Variants in PGGT1B observed in about 807,000 individuals in gnomAD.
PGGT1B encodes geranylgeranyl transferase type-1 subunit beta.
In PGGT1B, 30 loss-of-function variants were observed where a neutral mutation model predicts 46.1. The observed-to-expected ratio is 0.65, with a 90% CI of 0.49 to 0.88. The LOEUF (loss-of-function observed/expected upper bound fraction) is 0.88. Ranked by LOEUF, PGGT1B falls within the 40% of genes least tolerant of loss-of-function variation. The pLI, the probability that PGGT1B is intolerant of heterozygous loss-of-function variation, is 0.00. For synonymous variants in PGGT1B, 170 were observed against 160.0 expected, an observed-to-expected ratio of 1.06 and a Z score of -0.47; for missense variants, 376 against 455.9, an observed-to-expected ratio of 0.82 and a Z score of 1.60.
chr5:115,247,870 G>A (rs1019939364), intron 2 of PGGT1B, among the ~76,000 whole-genome samples: 1 of 152,084 alleles, frequency 6.6e-6, no homozygotes, highest in African/African-American at 2.4e-5. Flanking sequence ...TCTGTGGAAT[G>A]GTCTACCAGA....
At chr5:115,260,605 AAG>A (rs1028506272) in intron 1 of PGGT1B, among the ~76,000 whole-genome samples, 11 of 152,330 alleles carry the variant, frequency 7.2e-5, no homozygotes, top group Admixed American at 2.0e-4. Context: ...TGAGTTAGGA[AAG>A]AGAAAAACTT....
intron 5 of PGGT1B, among the ~76,000 whole-genome samples, chr5:115,233,800 G>C (rs1404387036): frequency 6.6e-6 from 1 of 151,934 alleles, no homozygotes; most frequent in Non-Finnish European, 1.5e-5. Flanking sequence ...GCTTTTTATT[G>C]GTGAGGCTAT....
chr5:115,215,251 G>A (rs1168845117), intron 8 of PGGT1B, among the ~76,000 whole-genome samples: 1 of 152,110 alleles, frequency 6.6e-6, no homozygotes, highest in African/African-American at 2.4e-5. Context: ...ACCAGCATCA[G>A]CCTCCCAAAG....
At chr5:115,222,300 G>T (rs1033202533) in intron 6 of PGGT1B, among the ~76,000 whole-genome samples, 1 of 152,142 alleles carries the variant, frequency 6.6e-6, no homozygotes, top group Non-Finnish European at 1.5e-5. Flanking sequence ...TGGAACTAAA[G>T]TCCGGGACTG....
rs77535350 is a variant in PGGT1B, at chr5:115,262,088, G to A, written c.140+624C>T. Among the ~76,000 whole-genome samples, 1,178 of 152,348 alleles carry A rather than the reference G, an allele frequency of 7.7e-3. 14 individuals carry two copies. The highest frequency in any genetic ancestry group is 0.027 in the African/African-American group (1,118 of 41,578). On this transcript the variant is annotated intron_variant, in intron 1 of 8. Coordinates refer to ENST00000419445, the MANE Select transcript of PGGT1B (RefSeq NM_005023.4). ...TCAAAACACAGCAATGCGGAGCAAA[G>A]ATTGCCTTCTCCTTTCTTTCTTCTC...
intron 1 of PGGT1B, among the ~76,000 whole-genome samples, chr5:115,258,813 A>G (rs1748431457): frequency 1.3e-5 from 2 of 152,214 alleles, no homozygotes; most frequent in African/African-American, 4.8e-5. Context: ...TAACAAAATC[A>G]TCTGGGCACT....
chr5:115,225,421 T>C (rs1290697429), intron 6 of PGGT1B, among the ~76,000 whole-genome samples: 1 of 152,206 alleles, frequency 6.6e-6, no homozygotes. Context: ...GATCTACTTA[T>C]ATTTTAACAG....
intron 2 of PGGT1B, among the ~76,000 whole-genome samples, chr5:115,245,786 C>T (rs1390687204): frequency 2.6e-5 from 4 of 152,028 alleles, no homozygotes; most frequent in East Asian, 1.9e-4. Context: ...TTAAGCACCA[C>T]GGTCACAGTA....
At chr5:115,257,569 T>G (rs929254532) in intron 1 of PGGT1B, among the ~76,000 whole-genome samples, 1 of 147,738 alleles carries the variant, frequency 6.8e-6, no homozygotes, top group African/African-American at 2.5e-5. Flanking sequence ...AAACAGTCTA[T>G]AGTCTGGACA....
chr5:115,219,224 C>A (rs950858504), intron 7 of PGGT1B, among the ~76,000 whole-genome samples: 1 of 151,838 alleles, frequency 6.6e-6, no homozygotes, highest in Admixed American at 6.6e-5. Flanking sequence ...GTAATTAAAA[C>A]AGTATAGTAC....
intron 6 of PGGT1B, among the ~76,000 whole-genome samples, chr5:115,228,509 C>T (rs1196749183): frequency 6.6e-6 from 1 of 152,054 alleles, no homozygotes; most frequent in African/African-American, 2.4e-5. Context: ...ATTATAAATA[C>T]TGCATGTGTA....
At chr5:115,257,238 C>A (rs1300456801) in intron 1 of PGGT1B, among the ~76,000 whole-genome samples, 3 of 152,078 alleles carry the variant, frequency 2.0e-5, no homozygotes, top group Non-Finnish European at 4.4e-5. Flanking sequence ...GAAGGATGGG[C>A]GCAGTGGCTC....
Position 115,236,462 on chromosome 5 carries a change from A to G in PGGT1B, c.540T>C (p.Cys180=). ...ACCAGTTGTTGAGCATATAGCAAAT[A>G]CAGGAAGCACAGTACACAAATCGCA... is the stretch of plus-strand genomic sequence containing the variant. The part of the protein sequence containing the change: ...NDMRFVYCAS[C]ICYMLNNWSG... Residue 180 remains cysteine, a synonymous_variant, in exon 5 of 9, where the codon TGT becomes TGC. Coordinates refer to ENST00000419445, the MANE Select transcript of PGGT1B (RefSeq NM_005023.4). The G allele has an allele frequency of 6.3e-7, 1 of 1,589,748 alleles. No individual in the cohort carries two copies. The highest frequency in any genetic ancestry group is 8.5e-7 in the Non-Finnish European group (1 of 1,170,036).
At position 115,208,670 on chromosome 5, in the gene PGGT1B, T is replaced by C. The variant is rs933672849; in HGVS notation, c.*3732A>G. On this transcript the variant is annotated 3_prime_UTR_variant, in exon 9 of 9. Coordinates refer to ENST00000419445, the MANE Select transcript of PGGT1B (RefSeq NM_005023.4). ...ACTCCCCGCACTACCCATCACCAAC[T>C]TGGATTTATTATTGCCTCTATTGTT... 6 of 152,084 alleles carry C rather than the reference T, an allele frequency of 3.9e-5. No homozygotes were observed. The highest frequency in any genetic ancestry group is 3.3e-4 in the Admixed American group (5 of 15,248). 9.4% of individuals were successfully genotyped at this position (152,084 alleles called of 1,614,324 possible). A position where few individuals can be genotyped will look rare whatever the true frequency, so the allele number is the denominator to read the frequency against.
At chr5:115,234,858 C>T (rs1013093321) in intron 5 of PGGT1B, among the ~76,000 whole-genome samples, 1 of 151,980 alleles carries the variant, frequency 6.6e-6, no homozygotes, top group African/African-American at 2.4e-5. Context: ...TAAATAGATA[C>T]AGAAATATAG....
chr5:115,230,073 T>C (rs1005815130), intron 6 of PGGT1B, among the ~76,000 whole-genome samples: 2 of 152,046 alleles, frequency 1.3e-5, no homozygotes, highest in African/African-American at 4.8e-5. Flanking sequence ...AGGTTTATGA[T>C]TTACAAACCA....
chr5:115,208,616 A>G lies in PGGT1B; in HGVS notation c.*3786T>C, dbSNP rs531647163. ...TTGTGCTTCCTCCTTTTTTTCTTAA[A>G]TAGGTTAGCTGGTAGTTTATCTGAC... On this transcript the variant is annotated 3_prime_UTR_variant, in exon 9 of 9. Transcript: ENST00000419445. 6.6e-6 allele frequency: 1 copy of G among 152,022 alleles called. No individual in the cohort carries two copies. The highest frequency in any genetic ancestry group is 1.9e-4 in the East Asian group (1 of 5,182). 9.4% of individuals were successfully genotyped at this position (152,022 alleles called of 1,614,324 possible). A position where few individuals can be genotyped will look rare whatever the true frequency, so the allele number is the denominator to read the frequency against.
chr5:115,233,726 A>G (rs1019420711), intron 5 of PGGT1B, among the ~76,000 whole-genome samples: 1 of 151,974 alleles, frequency 6.6e-6, no homozygotes, highest in Non-Finnish European at 1.5e-5. Context: ...AGCAAAATTA[A>G]AAATATACTG....
intron 2 of PGGT1B, among the ~76,000 whole-genome samples, chr5:115,250,328 T>C (rs1302588415): frequency 6.6e-6 from 1 of 152,146 alleles, no homozygotes; most frequent in African/African-American, 2.4e-5. Flanking sequence ...GGTCCTAGGC[T>C]AAATGTGAAA....
Sources: gnomAD v4.1 joint callset for allele counts (sites outside exome capture counted in the v4.1 genomes callset) on GRCh38, gnomAD v4.1.1 for gene constraint, MANE v1.5 for transcripts, NCBI Gene and HGNC (gene_info 2026-07-23, HGNC 2026-07-21) for gene names.